The following HECW1 variants were observed in gnomAD, a reference collection of about 807,000 sequenced individuals.
The protein encoded by HECW1 is HECT, C2 and WW domain containing E3 ubiquitin protein ligase 1, also known as E3 ubiquitin-protein ligase HECW1.
Under a neutral mutation model 182.3 loss-of-function variants are expected in HECW1, and 61 were observed. That is an observed-to-expected ratio of 0.33 (90% CI 0.27 to 0.41). HECW1 has a LOEUF of 0.41. Ranked by LOEUF, HECW1 falls within the 10% of genes least tolerant of loss-of-function variation. The probability of loss-of-function intolerance (pLI) is 1.00; values close to 1 mark genes in which losing one functional copy is unlikely to be tolerated. For synonymous variants in HECW1, 859 were observed against 832.6 expected (o/e 1.03, Z -0.55); for missense variants, 1,739 against 2,108.9 (o/e 0.82, Z 3.44).
At chr7:43,189,043 G>T (rs767079097) in intron 2 of HECW1, among the ~76,000 whole-genome samples, 1 of 152,080 alleles carries the variant, frequency 6.6e-6, no homozygotes, top group Non-Finnish European at 1.5e-5. Context: ...TCTTACACTC[G>T]TTCGCTTCCT....
chr7:43,360,706 CA>C (rs1367981707), intron 5 of HECW1, among the ~76,000 whole-genome samples, 179 bp from the exon 6 acceptor site: 2 of 152,144 alleles, frequency 1.3e-5, no homozygotes, highest in Admixed American at 1.3e-4. Flanking sequence ...TTTTTCATGT[CA>C]CAGTTTTAAG....
chr7:43,132,735 T>C (rs1454560839), intron 2 of HECW1, among the ~76,000 whole-genome samples: 2 of 152,166 alleles, frequency 1.3e-5, no homozygotes, highest in African/African-American at 4.8e-5. Context: ...TCTTTAATTC[T>C]TGACCCTTCT....
chr7:43,305,235 C>G (rs1458348012), intron 3 of HECW1, among the ~76,000 whole-genome samples: 1 of 152,200 alleles, frequency 6.6e-6, no homozygotes, highest in Non-Finnish European at 1.5e-5. Flanking sequence ...AGATCTTACT[C>G]ACCACATTTC....
chr7:43,193,105 C>T (rs933710245), intron 2 of HECW1, among the ~76,000 whole-genome samples: 3 of 152,196 alleles, frequency 2.0e-5, no homozygotes, highest in African/African-American at 7.2e-5. Context: ...AACTTCTGGA[C>T]ATTGCTATGG....
chr7:43,511,222 T>C (rs1278991544), intron 24 of HECW1: 2 of 152,238 alleles, frequency 1.3e-5, no homozygotes, highest in Non-Finnish European at 2.9e-5. Context: ...ATGCTGAGTT[T>C]CATCCACTGA....
intron 2 of HECW1, among the ~76,000 whole-genome samples, chr7:43,152,593 G>A (rs1247943301): frequency 6.6e-6 from 1 of 152,016 alleles, no homozygotes; most frequent in African/African-American, 2.4e-5. Flanking sequence ...GTTTTTGTTA[G>A]TTTTCTTCTG....
chr7:43,452,101 A>G (rs2077255138), intron 12 of HECW1, among the ~76,000 whole-genome samples: 2 of 152,222 alleles, frequency 1.3e-5, no homozygotes, highest in Admixed American at 6.5e-5. Flanking sequence ...GCCAAACATC[A>G]TGTCCTTGAA....
At chr7:43,378,962 TAGA>T (rs2074436545) in intron 6 of HECW1, among the ~76,000 whole-genome samples, 1 of 152,038 alleles carries the variant, frequency 6.6e-6, no homozygotes, top group Non-Finnish European at 1.5e-5. Context: ...CTTCCAGACA[TAGA>T]ACATGGGGTG....
chr7:43,433,773 C>T (rs1160373278), intron 8 of HECW1, among the ~76,000 whole-genome samples: 1 of 152,188 alleles, frequency 6.6e-6, no homozygotes, highest in African/African-American at 2.4e-5. Flanking sequence ...TGCCAGTAGA[C>T]TTTTGTTTAG....
In HECW1 at chr7:43,196,543, G is replaced by A. The variant is rs777475771; in HGVS notation, c.-31-47332G>A. 2.2e-4 allele frequency among the ~76,000 whole-genome samples: 34 copies of A among 152,278 alleles called. 1 individual carries two copies. The highest frequency in any genetic ancestry group is 5.2e-4 in the Admixed American group (8 of 15,292). On this transcript the variant is annotated intron_variant, in intron 2 of 29. Coordinates refer to ENST00000395891, the MANE Select transcript of HECW1 (RefSeq NM_015052.5). Reference sequence around the variant, plus strand: ...TCCAGGGTAGTTTGCCACAGGTCCCGGCTCTCAGAGGGTAACTGCATATGC... The same window carrying A: ...TCCAGGGTAGTTTGCCACAGGTCCCAGCTCTCAGAGGGTAACTGCATATGC...
intron 2 of HECW1, among the ~76,000 whole-genome samples, chr7:43,202,026 A>G (rs1485286337): frequency 6.6e-6 from 1 of 152,208 alleles, no homozygotes; most frequent in African/African-American, 2.4e-5. Flanking sequence ...GATAATAAAA[A>G]TAATACTTAG....
intron 3 of HECW1, among the ~76,000 whole-genome samples, chr7:43,265,811 A>G (rs1584247946): frequency 1.3e-5 from 2 of 152,248 alleles, no homozygotes; most frequent in East Asian, 3.9e-4. Flanking sequence ...AGCAACTACA[A>G]ATTTGAAGGT....
intron 3 of HECW1, among the ~76,000 whole-genome samples, chr7:43,265,230 T>G (rs1313897160): frequency 6.6e-6 from 1 of 152,130 alleles, no homozygotes; most frequent in Non-Finnish European, 1.5e-5. Context: ...GGTTGCCAGT[T>G]TCCATCTCAG....
At chr7:43,489,610 A>G (rs897588031) in intron 17 of HECW1, among the ~76,000 whole-genome samples, 1 of 152,238 alleles carries the variant, frequency 6.6e-6, no homozygotes, top group Non-Finnish European at 1.5e-5. Context: ...TTGTCCTTCA[A>G]GTAGGCCATG....
In HECW1 at chr7:43,550,686, G is replaced by A. The variant is rs1017955681; in HGVS notation, c.4395+95G>A. 5.3e-6 allele frequency: 7 copies of A among 1,315,852 alleles called. No individual in the cohort carries two copies. In the Admixed American group the frequency reaches 6.3e-5, roughly 12 times the overall value. The allele number at this position is 1,315,852 out of a possible 1,614,324, so 81.5% of individuals were successfully genotyped here. Reference sequence around the variant, plus strand: ...GCTCCCTGAGGGAGCAGCAGCTCAGGTGGTGAAAACAGAGAGGGAGAGCCA... The same window carrying A: ...GCTCCCTGAGGGAGCAGCAGCTCAGATGGTGAAAACAGAGAGGGAGAGCCA... On this transcript the variant is annotated intron_variant, in intron 27 of 29. Coordinates refer to ENST00000395891, the MANE Select transcript of HECW1 (RefSeq NM_015052.5).
chr7:43,114,101 T>C (rs1213029463), intron 1 of HECW1, 56 bp from the exon 2 acceptor site: 2 of 528,526 alleles, frequency 3.8e-6, no homozygotes, highest in African/African-American at 3.8e-5. Flanking sequence ...CTTACTTCTC[T>C]TGGAATCTGC....
chr7:43,326,235 G>A (rs768185074), intron 5 of HECW1, among the ~76,000 whole-genome samples: 1 of 152,208 alleles, frequency 6.6e-6, no homozygotes, highest in Non-Finnish European at 1.5e-5. Flanking sequence ...GGCTCCTGAT[G>A]ATACATAACA....
chr7:43,176,667 A>C (rs562605733), intron 2 of HECW1, among the ~76,000 whole-genome samples: 1 of 152,292 alleles, frequency 6.6e-6, no homozygotes, highest in East Asian at 1.9e-4. Flanking sequence ...CTACTAAATC[A>C]TAAATAGGTT....
At chr7:43,402,985 G>T (rs570687802) in intron 7 of HECW1, among the ~76,000 whole-genome samples, 8 of 152,238 alleles carry the variant, frequency 5.3e-5, no homozygotes, top group Admixed American at 1.3e-4. Flanking sequence ...ATTAGGGCTT[G>T]GTTAAATAAA....
Sources: allele counts gnomAD v4.1 joint callset (sites outside exome capture counted in the v4.1 genomes callset), GRCh38; gene constraint gnomAD v4.1.1; transcripts MANE v1.5; gene names NCBI Gene and HGNC (gene_info 2026-07-23, HGNC 2026-07-21).